KCTD1: variants seen among roughly 807,000 people sequenced by gnomAD.
KCTD1 encodes BTB/POZ domain-containing protein KCTD1.
In KCTD1, 24 loss-of-function variants were observed where a neutral mutation model predicts 66.0. The ratio of observed to expected loss-of-function variants is 0.36; its 90% CI spans 0.26 to 0.51. KCTD1 has a LOEUF of 0.51. Ranked by LOEUF, KCTD1 falls within the 20% of genes least tolerant of loss-of-function variation. The pLI is 0.95. For synonymous variants in KCTD1, 511 were observed against 517.2 expected (o/e 0.99, Z 0.16); for missense variants, 943 against 1,205.2 (o/e 0.78, Z 3.22).
intron 1 of KCTD1, among the ~76,000 whole-genome samples, chr18:26,511,849 G>C (rs187419545): frequency 6.6e-6 from 1 of 152,242 alleles, no homozygotes; most frequent in African/African-American, 2.4e-5. Context: ...AGGCTTAGAA[G>C]GAGGGTCAGT....
chr18:26,479,623 C>CA (rs551491256), intron 2 of KCTD1, among the ~76,000 whole-genome samples: 71 of 152,326 alleles, frequency 4.7e-4, no homozygotes, highest in African/African-American at 1.7e-3. Context: ...GAAAGCCTCT[C>CA]AGAGAAGAAA....
chr18:26,548,592 G>C, upstream of KCTD1: 1 of 1,198,322 alleles, frequency 8.3e-7, no homozygotes, highest in East Asian at 3.5e-5. Flanking sequence ...TTGGACCGCA[G>C]CGCTGAGAGC....
At chr18:26,645,647 C>A (rs1474660147) in intron 1 of KCTD1, among the ~76,000 whole-genome samples, 9 of 152,184 alleles carry the variant, frequency 5.9e-5, no homozygotes, top group African/African-American at 2.2e-4. Flanking sequence ...ATCCTCCCAC[C>A]TTGGCCTCCT....
chr18:26,635,055 C>T (rs1054202519), intron 1 of KCTD1, among the ~76,000 whole-genome samples: 5 of 152,226 alleles, frequency 3.3e-5, no homozygotes, highest in African/African-American at 1.2e-4. Flanking sequence ...GTAATTCCAG[C>T]TGCCTTGGAA....
At chr18:26,640,839 C>A (rs1455485489), upstream of KCTD1, among the ~76,000 whole-genome samples, 3 of 152,024 alleles carry the variant, frequency 2.0e-5, no homozygotes, top group Admixed American at 1.3e-4. Flanking sequence ...ACATGAGGTT[C>A]CCTGGGAAGA....
At chr18:26,495,279 T>C (rs1181643852) in intron 2 of KCTD1, among the ~76,000 whole-genome samples, 1 of 152,210 alleles carries the variant, frequency 6.6e-6, no homozygotes, top group African/African-American at 2.4e-5. Context: ...TAGGCTGGCA[T>C]ACAACAGTTA....
At chr18:26,643,773 T>C (rs186512099), upstream of KCTD1, among the ~76,000 whole-genome samples, 90 of 152,248 alleles carry the variant, frequency 5.9e-4, 1 homozygote, top group Middle Eastern at 6.8e-3. Context: ...CCATCCTGGC[T>C]AACACGATGA....
chr18:26,640,871 G>A (rs1403128368), upstream of KCTD1, among the ~76,000 whole-genome samples: 2 of 152,064 alleles, frequency 1.3e-5, no homozygotes, highest in East Asian at 3.9e-4. Flanking sequence ...AGAAAGAGGA[G>A]GCATCTGCGG....
intron 1 of KCTD1, among the ~76,000 whole-genome samples, chr18:26,512,694 T>A (rs999550784): frequency 3.9e-5 from 6 of 152,078 alleles, no homozygotes; most frequent in African/African-American, 1.4e-4. Flanking sequence ...AAATAAAAAT[T>A]TTTTGGCCGC....
intron 1 of KCTD1, among the ~76,000 whole-genome samples, chr18:26,611,729 C>G (rs992630940): frequency 1.3e-5 from 2 of 152,156 alleles, no homozygotes; most frequent in Admixed American, 6.5e-5. Context: ...ATTGACTATT[C>G]TCATAAGTCA....
chr18:26,510,387 G>A (rs569679197), intron 1 of KCTD1, among the ~76,000 whole-genome samples: 20 of 152,316 alleles, frequency 1.3e-4, no homozygotes, highest in East Asian at 3.9e-4. Context: ...GTGCTTCAAA[G>A]TTGTTTCAAA....
intron 1 of KCTD1, among the ~76,000 whole-genome samples, chr18:26,569,181 T>G (rs1336628252): frequency 6.6e-6 from 1 of 152,178 alleles, no homozygotes; most frequent in Non-Finnish European, 1.5e-5. Context: ...GGAAGTAGTA[T>G]TATTATTCTA....
rs186198700 is a variant in KCTD1, at chr18:26,619,038, T to C, written c.-16+10109A>G. ...CTTCTCTGGAGTCTTGGATAATTATTGTCTATTTGGCAGAATTAGCATGAT... is the reference window on the plus strand; with the variant it reads ...CTTCTCTGGAGTCTTGGATAATTATCGTCTATTTGGCAGAATTAGCATGAT... On this transcript the variant is annotated intron_variant, in intron 1 of 4. Coordinates refer to the KCTD1 transcript ENST00000317932. Among the ~76,000 whole-genome samples the C allele has an allele frequency of 3.1e-3, 473 of 152,350 alleles. 1 individual carries two copies. Among genetic ancestry groups the C allele is most frequent in the African/African-American group, 1.0e-2 (414 of 41,576 alleles).
chr18:26,494,468 A>G (rs1200357806), intron 2 of KCTD1, among the ~76,000 whole-genome samples: 1 of 152,220 alleles, frequency 6.6e-6, no homozygotes, highest in Non-Finnish European at 1.5e-5. Flanking sequence ...CGAAGACTTT[A>G]TGAGCTAGAT....
chr18:26,599,829 T>C, intron 1 of KCTD1: 1 of 1,559,030 alleles, frequency 6.4e-7, no homozygotes, highest in Non-Finnish European at 8.9e-7. Flanking sequence ...AAATACAGTC[T>C]GTTCGAGAAC....
chr18:26,652,760 T>C (rs1357309253), intron 1 of KCTD1, among the ~76,000 whole-genome samples: 2 of 152,238 alleles, frequency 1.3e-5, no homozygotes, highest in Admixed American at 6.5e-5. Context: ...AATGACTAGA[T>C]GCTTTGGTTT....
chr18:26,620,469 T>C lies in KCTD1; in HGVS notation c.-16+8678A>G, dbSNP rs1259040562. Among the ~76,000 whole-genome samples the C allele has an allele frequency of 4.8e-5, 7 of 145,914 alleles. No individual in the cohort carries two copies. The Admixed American group carries it at 4.8e-4, about 10-fold the overall frequency. ...TTTTTTTTTTTGAGACAGGGTCTTG[T>C]TCTGTTGCCCAGGCTGGAGTGTGGT... On this transcript the variant is annotated intron_variant, in intron 1 of 4. Transcript: ENST00000317932.
intron 1 of KCTD1, among the ~76,000 whole-genome samples, chr18:26,648,412 CTAAG>C (rs569912575): frequency 1.8e-4 from 27 of 152,336 alleles, no homozygotes; most frequent in African/African-American, 6.5e-4. Flanking sequence ...TCTCTTATCG[CTAAG>C]TCAGTTACAG....
chr18:26,464,276 A>G (rs933924381), intron 3 of KCTD1, among the ~76,000 whole-genome samples: 1 of 152,228 alleles, frequency 6.6e-6, no homozygotes, highest in Non-Finnish European at 1.5e-5. Context: ...TCCAGCGTCC[A>G]GAGGCTGCGA....
Sources: allele counts gnomAD v4.1 joint callset (sites outside exome capture counted in the v4.1 genomes callset), GRCh38; gene constraint gnomAD v4.1.1; transcripts MANE v1.5; gene names NCBI Gene and HGNC (gene_info 2026-07-23, HGNC 2026-07-21).